The following SLC2A7 variants were observed in gnomAD, a reference collection of about 807,000 sequenced individuals.
The protein encoded by SLC2A7 is solute carrier family 2, facilitated glucose transporter member 7.
In SLC2A7, 50 loss-of-function variants were observed where a neutral mutation model predicts 50.5. The ratio of observed to expected loss-of-function variants is 0.99; its 90% CI spans 0.79 to 1.25. The LOEUF (loss-of-function observed/expected upper bound fraction) is 1.25. Among genes scored for constraint, SLC2A7 ranks in the 50% most tolerant of loss-of-function variants. The pLI is 0.00. For synonymous variants in SLC2A7, 308 were observed against 300.4 expected, an observed-to-expected ratio of 1.03 and a Z score of -0.26; for missense variants, 683 against 679.1, an observed-to-expected ratio of 1.01 and a Z score of -0.06.
At chr1:9,012,658 T>C (rs1348113668) in intron 8 of SLC2A7, among the ~76,000 whole-genome samples, 2 of 152,154 alleles carry the variant, frequency 1.3e-5, no homozygotes, top group Non-Finnish European at 1.5e-5. Flanking sequence ...GGAATCAAAA[T>C]AATCAGGAGA....
rs780075652 is a variant in SLC2A7 at position 9,014,811 on chromosome 1, G to T, written c.773C>A (p.Ala258Glu). ...DMEAELEDMRAEARAERAEGH... is the reference protein window; with the variant it reads ...DMEAELEDMREEARAERAEGH... ...CTCGGCGCGCTCGGCCCGGGCCTCC[G>T]CACGCATGTCCTCCAGCTCGGCCTC... Residue 258 changes from alanine (A) to glutamate (E), a missense_variant, in exon 7 of 12, where the codon GCG (alanine) becomes GAG (glutamate). Ala to Glu is a moderately radical substitution (Grantham distance 107). Transcript: ENST00000400906. The T allele has an allele frequency of 8.1e-6, 13 of 1,604,498 alleles. No individual in the cohort carries two copies. Among genetic ancestry groups the T allele is most frequent in the Non-Finnish European group, 1.1e-5 (13 of 1,176,536 alleles).
In SLC2A7 at chr1:9,003,439, G is replaced by A. The variant is rs758057006; in HGVS notation, c.1400C>T (p.Pro467Leu). 33 of 1,614,070 alleles carry A rather than the reference G, an allele frequency of 2.0e-5. No individual in the cohort carries two copies. In the East Asian group the frequency reaches 4.0e-4, roughly 20 times the overall value. The change falls in exon 12 of 12, where the codon CCG (proline) becomes CTG (leucine). Residue 467 changes from proline (P) to leucine (L), a missense_variant. By Grantham distance (98) the Pro-to-Leu change is moderately conservative. Coordinates refer to ENST00000400906, the MANE Select transcript of SLC2A7 (RefSeq NM_207420.3). ...LTAIYIYVVI[P>L]ETKGKTFVEI... The stretch of plus-strand genomic sequence containing the variant: ...CACAAATGTTTTGCCCTTGGTCTCC[G>A]GAATAACCACGTAGATGTAAATCGC...
At chr1:9,007,446 A>G in intron 9 of SLC2A7, 61 bp from the exon 10 acceptor site, 3 of 1,514,942 alleles carry the variant, frequency 2.0e-6, no homozygotes, top group Non-Finnish European at 2.7e-6. Context: ...GGGGGGGTCC[A>G]CCTGCGGGTC....
chr1:9,021,490 GA>G (rs1640912279), intron 3 of SLC2A7, among the ~76,000 whole-genome samples: 1 of 152,170 alleles, frequency 6.6e-6, no homozygotes, highest in South Asian at 2.1e-4. Flanking sequence ...ACTCAGTGAG[GA>G]AGCCAGGAAG....
At chr1:9,000,746 G>GTGTA (rs1491172372), downstream of SLC2A7, among the ~76,000 whole-genome samples, 3 of 18,914 alleles carry the variant, frequency 1.6e-4, no homozygotes, top group African/African-American at 1.2e-3. Flanking sequence ...GACTTTCCTG[G>GTGTA]TGTGTGTGTG....
chr1:9,004,917 C>T (rs1367973199), intron 10 of SLC2A7, 38 bp from the exon 11 acceptor site: 3 of 1,598,366 alleles, frequency 1.9e-6, no homozygotes, highest in African/African-American at 2.7e-5. Flanking sequence ...CGGAGAAGGA[C>T]CCAGGTGTCC....
chr1:9,018,412 C>G, intron 4 of SLC2A7, 37 bp from the exon 5 acceptor site: 1 of 1,611,384 alleles, frequency 6.2e-7, no homozygotes, highest in Non-Finnish European at 8.5e-7. Flanking sequence ...GCAGGCAAAC[C>G]GCAAACGCAG....
At chr1:9,018,473 C>T (rs2124259850) in intron 4 of SLC2A7, 98 bp from the exon 5 acceptor site, 1 of 1,495,972 alleles carries the variant, frequency 6.7e-7, no homozygotes, top group East Asian at 2.4e-5. Context: ...CTTCTCCATG[C>T]TGTCAGCCCC....
Position 9,007,400 on chromosome 1 carries a change from AG to A in SLC2A7, c.1117-16del. The A allele has an allele frequency of 6.2e-7, 1 of 1,613,824 alleles. No homozygotes were observed. The highest frequency in any genetic ancestry group is 1.1e-5 in the South Asian group (1 of 91,068). On this transcript the variant is annotated splice_polypyrimidine_tract_variant and intron_variant, in intron 9 of 11. Coordinates refer to ENST00000400906, the MANE Select transcript of SLC2A7 (RefSeq NM_207420.3). ...GGGACCCTGTTCTGTGGGGAGAGGC[AG>A]GGCTGTCTGGGCTGAGGCCAGGAGC...
At position 9,008,401 on chromosome 1, in the gene SLC2A7, C is replaced by CCTGGACCCGGTGTGAAG. The variant is rs1553166160; in HGVS notation, c.1117-1033_1117-1017dup. 6.6e-6 allele frequency among the ~76,000 whole-genome samples: 1 copy of CCTGGACCCGGTGTGAAG among 152,150 alleles called. No homozygotes were observed. The highest frequency in any genetic ancestry group is 1.5e-5 in the Non-Finnish European group (1 of 68,036). On this transcript the variant is annotated intron_variant, in intron 9 of 11. Transcript: ENST00000400906. This position sits in a 1 kb window ranked among gnomAD's most constrained non-coding sequence, Gnocchi z 5.9. ...AGGCTGGCTGGGTTGGTGGGGCCGC[C>CCTGGACCCGGTGTGAAG]CTGGACCCGGTGTGAAGCGAGCAGC...
intron 1 of SLC2A7, 85 bp from the exon 2 acceptor site, chr1:9,025,159 T>C: frequency 5.1e-6 from 7 of 1,383,916 alleles, no homozygotes; most frequent in South Asian, 1.2e-5. Flanking sequence ...CCCTCCAGCC[T>C]GGGCTGGAAG....
chr1:9,000,523 G>T (rs181024192), downstream of SLC2A7, among the ~76,000 whole-genome samples: 6 of 151,402 alleles, frequency 4.0e-5, no homozygotes, highest in Admixed American at 6.6e-5. Context: ...GGAGGCTGAG[G>T]CAGCTGAATC....
chr1:9,004,722 G>A, intron 11 of SLC2A7, 30 bp downstream of exon 11: 1 of 1,612,902 alleles, frequency 6.2e-7, no homozygotes, highest in Non-Finnish European at 8.5e-7. Context: ...AGGCCCGGTG[G>A]AGCGGGTTGG....
At chr1:8,995,849 C>T in the SLC2A7 span, among the ~76,000 whole-genome samples, 394 of 152,200 alleles carry the variant, frequency 2.6e-3, 1 homozygote, top group African/African-American at 9.1e-3. Flanking sequence ...CTCACTGCTG[C>T]CTCAAATTCC....
chr1:9,012,172 G>A (rs1435442835), intron 8 of SLC2A7, among the ~76,000 whole-genome samples: 2 of 152,118 alleles, frequency 1.3e-5, no homozygotes, highest in African/African-American at 4.8e-5. Context: ...CCAACAGACA[G>A]ACTATCACTG....
At chr1:9,007,671 A>G (rs878865083) in intron 9 of SLC2A7, among the ~76,000 whole-genome samples, 1 of 152,010 alleles carries the variant, frequency 6.6e-6, no homozygotes, top group African/African-American at 2.4e-5. Context: ...TGCACTTTAC[A>G]AATCACAAAT....
the SLC2A7 span, among the ~76,000 whole-genome samples, chr1:8,994,019 C>CATT: frequency 2.0e-5 from 3 of 152,216 alleles, no homozygotes; most frequent in Non-Finnish European, 4.4e-5. Context: ...ATGACTCCTG[C>CATT]ATTAATAGAT....
Position 9,019,117 on chromosome 1 carries a change from G to A in SLC2A7, c.436+92C>T. The A allele has an allele frequency of 2.7e-6, 4 of 1,508,372 alleles. No homozygotes were observed. In the East Asian group the frequency reaches 9.2e-5, roughly 35 times the overall value. The allele number at this position is 1,508,372 out of a possible 1,614,324, so 93.4% of individuals were successfully genotyped here. On this transcript the variant is annotated intron_variant, in intron 4 of 11. Transcript: ENST00000400906. ...GGACGTCTTGAAATGAAAAGAGGCA[G>A]AGCCAGGCAGACACCTCATCTGCTC...
At chr1:8,997,619 C>T in the SLC2A7 span, among the ~76,000 whole-genome samples, 1 of 151,962 alleles carries the variant, frequency 6.6e-6, no homozygotes, top group Non-Finnish European at 1.5e-5. Flanking sequence ...AGGCTAGTCT[C>T]GAACTCCTGA....
Sources: gnomAD v4.1 joint callset for allele counts (sites outside exome capture counted in the v4.1 genomes callset) on GRCh38, gnomAD v4.1.1 for gene constraint, Gnocchi (gnomAD v3.1) non-coding constraint, MANE v1.5 for transcripts, NCBI Gene and HGNC (gene_info 2026-07-23, HGNC 2026-07-21) for gene names.